GRM8: variants seen among roughly 807,000 people sequenced by gnomAD.
GRM8 encodes the protein glutamate metabotropic receptor 8.
A neutral mutation model predicts 87.2 loss-of-function variants in GRM8; 47 were observed. The ratio of observed to expected loss-of-function variants is 0.54; its 90% confidence interval spans 0.43 to 0.69. The LOEUF is 0.69. Among genes scored for constraint, GRM8 ranks in the 30% least tolerant of loss-of-function variants. GRM8 has a pLI of 0.00. For synonymous variants in GRM8, 396 were observed against 404.5 expected (o/e 0.98, Z 0.25); for missense variants, 1,019 against 1,139.2 (o/e 0.89, Z 1.52).
At chr7:126,649,166 T>A (rs1803506894) in intron 7 of GRM8, among the ~76,000 whole-genome samples, 1 of 152,152 alleles carries the variant, frequency 6.6e-6, no homozygotes. Flanking sequence ...TAATACCGAG[T>A]GTCAACTTGA....
intron 9 of GRM8, chr7:126,512,796 G>A (rs1412545782): frequency 6.6e-6 from 1 of 152,124 alleles, no homozygotes; most frequent in East Asian, 1.9e-4. Flanking sequence ...ACCTGCTGGA[G>A]TTTATTCCAC....
intron 2 of GRM8, among the ~76,000 whole-genome samples, chr7:127,208,153 C>T (rs1326674680): frequency 1.3e-5 from 2 of 152,118 alleles, no homozygotes; most frequent in Admixed American, 6.5e-5. Context: ...AACTTGAGGG[C>T]CTTCGTGTCC....
rs181207726 is a variant in GRM8, at chr7:126,872,267, C to T, written c.1156+30275G>A. The stretch of plus-strand genomic sequence containing the variant: ...TATCTCTTATTTTCTGCTTTCCTAA[C>T]CTTTCCCCATTTCCTCTTCATTCTG... On this transcript the variant is annotated intron_variant, in intron 6 of 10. Transcript: ENST00000339582. Among the ~76,000 whole-genome samples, 340 of 152,248 alleles carry T rather than the reference C, an allele frequency of 2.2e-3. 2 individuals are homozygous for T. Among genetic ancestry groups the T allele is most frequent in the Middle Eastern group, 3.4e-3 (1 of 294 alleles).
At chr7:126,481,206 G>T (rs113083742) in intron 9 of GRM8, among the ~76,000 whole-genome samples, 3 of 151,842 alleles carry the variant, frequency 2.0e-5, no homozygotes, top group Non-Finnish European at 4.4e-5. Flanking sequence ...ATTAGTGAAC[G>T]AAAAAGGAAT....
chr7:127,060,150 G>T (rs1281655580), intron 3 of GRM8, among the ~76,000 whole-genome samples: 1 of 152,178 alleles, frequency 6.6e-6, no homozygotes, highest in East Asian at 1.9e-4. Context: ...AGAATTACAT[G>T]ACATCGAAAG....
chr7:127,039,340 C>T (rs983907436), intron 3 of GRM8, among the ~76,000 whole-genome samples: 3 of 151,962 alleles, frequency 2.0e-5, no homozygotes, highest in Non-Finnish European at 4.4e-5. Context: ...GAAGACCAAC[C>T]GAAGACACAG....
chr7:126,768,938 A>AAAAAAAAAAAAT (rs1818528798), intron 7 of GRM8, among the ~76,000 whole-genome samples: 1 of 148,062 alleles, frequency 6.8e-6, no homozygotes, highest in Non-Finnish European at 1.5e-5. Context: ...AAAAAAAAAA[A>AAAAAAAAAAAAT]AAATAAAGAA....
At chr7:126,495,393 G>T (rs1808576933) in intron 9 of GRM8, among the ~76,000 whole-genome samples, 1 of 151,974 alleles carries the variant, frequency 6.6e-6, no homozygotes, top group Admixed American at 6.6e-5. Flanking sequence ...TCCATTAATT[G>T]GGGGATGCTA....
intron 6 of GRM8, among the ~76,000 whole-genome samples, chr7:126,839,339 T>G (rs547333414): frequency 6.6e-6 from 1 of 152,256 alleles, no homozygotes; most frequent in East Asian, 1.9e-4. Context: ...ATCTAATGAA[T>G]TAGGATCTGG....
chr7:126,753,915 A>G (rs1246084629), intron 7 of GRM8, among the ~76,000 whole-genome samples: 5 of 151,884 alleles, frequency 3.3e-5, no homozygotes, highest in African/African-American at 1.2e-4. Context: ...TGTATTTGTG[A>G]TATCATTGCC....
intron 7 of GRM8, among the ~76,000 whole-genome samples, chr7:126,744,303 A>G (rs1267861998): frequency 1.3e-5 from 2 of 151,984 alleles, no homozygotes; most frequent in Non-Finnish European, 2.9e-5. Context: ...TGTTTGGAAG[A>G]TTTTTCTTAA....
At chr7:126,444,655 G>C (rs1433379663) in intron 10 of GRM8, among the ~76,000 whole-genome samples, 2 of 152,064 alleles carry the variant, frequency 1.3e-5, no homozygotes, top group Non-Finnish European at 2.9e-5. Flanking sequence ...AATTAGAGTA[G>C]ACAATGCTTA....
At chr7:127,013,313 C>T (rs999668051) in intron 3 of GRM8, among the ~76,000 whole-genome samples, 1 of 152,142 alleles carries the variant, frequency 6.6e-6, no homozygotes. Context: ...TGAACATAAA[C>T]TGTCAACCTC....
At chr7:126,934,331 C>G (rs540673772) in intron 3 of GRM8, among the ~76,000 whole-genome samples, 1 of 152,260 alleles carries the variant, frequency 6.6e-6, no homozygotes, top group Admixed American at 6.5e-5. Context: ...TGATGGGTCT[C>G]CACAGCATGC....
In GRM8 at chr7:126,439,165, G is replaced by T; in HGVS notation, c.2681C>A (p.Ser894Tyr). 6.5e-7 allele frequency: 1 copy of T among 1,538,202 alleles called. No homozygotes were observed. The highest frequency in any genetic ancestry group is 9.0e-7 in the Non-Finnish European group (1 of 1,111,076). The change falls in exon 11 of 11, where the codon TCC becomes TAC. Residue 894 changes from serine (S) to tyrosine (Y), a missense_variant. Coordinates refer to ENST00000339582, the MANE Select transcript of GRM8 (RefSeq NM_000845.3). ...ACTGATATATGTTGTCTTGGTAGAG[G>T]AAGCTGTTAAGATAAATGAGGACAA... ...ELCESLETNT[S>Y]STKTTYISYS... is the part of the protein sequence containing the mutation.
At chr7:127,062,497 T>A (rs888399130) in intron 3 of GRM8, among the ~76,000 whole-genome samples, 1 of 152,094 alleles carries the variant, frequency 6.6e-6, no homozygotes, top group African/African-American at 2.4e-5. Flanking sequence ...TCAGGGGACA[T>A]GGGGGTGTAA....
chr7:126,628,759 ATACTAGCTTT>A (rs991695832), intron 7 of GRM8, among the ~76,000 whole-genome samples: 4 of 152,194 alleles, frequency 2.6e-5, no homozygotes, highest in African/African-American at 9.7e-5. Flanking sequence ...TTTTGTCAAA[ATACTAGCTTT>A]TGGGGACATA....
intron 7 of GRM8, among the ~76,000 whole-genome samples, chr7:126,622,418 CCT>C (rs1676905063): frequency 1.3e-5 from 2 of 152,126 alleles, no homozygotes; most frequent in Non-Finnish European, 2.9e-5. Context: ...CCTTCCTTCC[CCT>C]GTCATTCCGG....
At chr7:126,609,595 G>T in intron 7 of GRM8, 97 bp from the exon 8 acceptor site, 1 of 854,468 alleles carries the variant, frequency 1.2e-6, no homozygotes, top group Non-Finnish European at 1.8e-6. Context: ...AAAATATATT[G>T]TGTGAAGTAA....
Sources: allele counts gnomAD v4.1 joint callset (sites outside exome capture counted in the v4.1 genomes callset), GRCh38; gene constraint gnomAD v4.1.1; transcripts MANE v1.5; gene names NCBI Gene and HGNC (gene_info 2026-07-23, HGNC 2026-07-21).